Variants in OR5V1 observed in about 807,000 individuals in gnomAD.
The protein encoded by OR5V1 is olfactory receptor 5V1.
For synonymous variants in OR5V1, 134 were observed against 143.2 expected (o/e 0.94, Z 0.46); for missense variants, 365 against 371.5 (o/e 0.98, Z 0.14).
intron 1 of OR5V1, among the ~76,000 whole-genome samples, chr6:29,362,643 C>A (rs1313756018): frequency 6.6e-6 from 1 of 152,196 alleles, no homozygotes; most frequent in Non-Finnish European, 1.5e-5. Context: ...TCACTCAAAA[C>A]CTCACAACTA....
chr6:29,356,362 A>G, intron 1 of OR5V1, 85 bp from the exon 2 acceptor site: 3 of 691,690 alleles, frequency 4.3e-6, no homozygotes, highest in Non-Finnish European at 7.0e-6. Flanking sequence ...TTTGCAAACC[A>G]TAGCTCCTAC....
Position 29,355,907 on chromosome 6 carries a change from A to C in OR5V1, c.289T>G (p.Cys97Gly). 1 of 1,613,990 alleles carries C rather than the reference A, an allele frequency of 6.2e-7. No homozygotes were observed. Among genetic ancestry groups the C allele is most frequent in the Non-Finnish European group, 8.5e-7 (1 of 1,179,950 alleles). Residue 97 changes from cysteine (C) to glycine (G), a missense_variant, in exon 2 of 2, where the codon TGT (cysteine) becomes GGT (glycine). Physicochemically the swap from Cys to Gly is radical, Grantham distance 159. Transcript: ENST00000641768. ...SKKKSISYVG[C>G]VVQLFAFVFF... ...ACAAATGCAAAAAGTTGAACCACAC[A>C]CCCCACATAAGAAATGCTTTTTTTC...
rs1240609809 is a variant in OR5V1 at position 29,364,508 on chromosome 6, A to G, written c.-83+4124T>C. 1.8e-5 allele frequency among the ~76,000 whole-genome samples: 2 copies of G among 113,146 alleles called. 1 individual carries two copies. The highest frequency in any genetic ancestry group is 1.9e-4 in the Admixed American group (2 of 10,504). The allele number at this position is 113,146 out of a possible 152,430, so 74.2% of individuals were successfully genotyped here. A position where few individuals can be genotyped will look rare whatever the true frequency, so the allele number is the denominator to read the frequency against. ...GCCAAGACAATCCTAAGCAAAAAGA[A>G]CAAAGCTGGGCCGGGCGCGGTGGCT... On this transcript the variant is annotated intron_variant, in intron 1 of 1. Coordinates refer to ENST00000641768, the MANE Select transcript of OR5V1 (RefSeq NM_030876.6).
chr6:29,358,172 T>C (rs2151272492), intron 1 of OR5V1, among the ~76,000 whole-genome samples: 1 of 152,290 alleles, frequency 6.6e-6, no homozygotes, highest in East Asian at 1.9e-4. Flanking sequence ...TTTCATTCCA[T>C]CTACAGAAGA....
In OR5V1 at chr6:29,355,193, T is replaced by A; in HGVS notation, c.*37A>T. 6.6e-7 allele frequency: 1 copy of A among 1,526,508 alleles called. No individual in the cohort carries two copies. The highest frequency in any genetic ancestry group is 1.3e-5 in the South Asian group (1 of 74,476). The allele number at this position is 1,526,508 out of a possible 1,614,324, so 94.6% of individuals were successfully genotyped here. ...TAAAAACAGCTGACTGGTGAAAAAGTTAATTTTGTAGTATAAGATTATTGA... is the reference window on the plus strand; with the variant it reads ...TAAAAACAGCTGACTGGTGAAAAAGATAATTTTGTAGTATAAGATTATTGA... On this transcript the variant is annotated 3_prime_UTR_variant, in exon 2 of 2. Transcript: ENST00000641768.
At chr6:29,364,374 G>A (rs975733524) in intron 1 of OR5V1, among the ~76,000 whole-genome samples, 5 of 148,796 alleles carry the variant, frequency 3.4e-5, no homozygotes, top group Admixed American at 1.3e-4. Context: ...ACTGCCCAAA[G>A]TAATTTATAG....
chr6:29,363,123 A>G (rs1306254922), intron 1 of OR5V1, among the ~76,000 whole-genome samples: 1 of 152,190 alleles, frequency 6.6e-6, no homozygotes, highest in Non-Finnish European at 1.5e-5. Flanking sequence ...AGTTATCACC[A>G]CTGATCCCAC....
At position 29,356,272 on chromosome 6, in the gene OR5V1, CA is replaced by C. The variant is rs1341052159; in HGVS notation, c.-78del. On this transcript the variant is annotated 5_prime_UTR_variant, in exon 2 of 2. The change abolishes an upstream ATG in the 5' untranslated region. Transcript: ENST00000641768. Reference sequence around the variant, plus strand: ...AAAAATGAATCATATGCTGCAATAGCATGACCTGAAAAATAAGGGAAAAAAC... The same window carrying C: ...AAAAATGAATCATATGCTGCAATAGCTGACCTGAAAAATAAGGGAAAAAAC... 75 of 1,462,946 alleles carry C rather than the reference CA, an allele frequency of 5.1e-5. No individual in the cohort carries two copies. The highest frequency in any genetic ancestry group is 6.7e-5 in the Non-Finnish European group (73 of 1,093,412). 90.6% of individuals were successfully genotyped at this position (1,462,946 alleles called of 1,614,324 possible).
chr6:29,355,596 T>C lies in OR5V1; in HGVS notation c.600A>G (p.Leu200=), dbSNP rs747144784. The change falls in exon 2 of 2, where the codon CTA becomes CTG. Residue 200 remains leucine (L), a synonymous_variant. Transcript: ENST00000641768. ...GNTSVNELAL[L]STGVFIGWTP... The stretch of plus-strand genomic sequence containing the variant: ...TCCAACCAATGAAGACCCCAGTGGA[T>C]AGCAGTGCCAACTCATTGACAGAAG... 6.2e-7 allele frequency: 1 copy of C among 1,613,970 alleles called. No individual in the cohort carries two copies. Among genetic ancestry groups the C allele is most frequent in the Non-Finnish European group, 8.5e-7 (1 of 1,179,928 alleles).
intron 1 of OR5V1, among the ~76,000 whole-genome samples, chr6:29,358,914 C>G (rs968393344): frequency 1.3e-5 from 2 of 152,014 alleles, no homozygotes; most frequent in African/African-American, 4.8e-5. Context: ...ATTGTATATT[C>G]CAAAATTGCT....
In OR5V1 at chr6:29,355,156, T is replaced by G. The variant is rs1778190035; in HGVS notation, c.*74A>C. The G allele has an allele frequency of 3.5e-6, 5 of 1,442,122 alleles. No homozygotes were observed. In the East Asian group the frequency reaches 1.1e-4, roughly 33 times the overall value. 89.3% of individuals were successfully genotyped at this position (1,442,122 alleles called of 1,614,324 possible). On this transcript the variant is annotated 3_prime_UTR_variant, in exon 2 of 2. Transcript: ENST00000641768. ...TCTGTCCCAACATTGCAATTATCTT[T>G]TAAACTTTCAATAAAAACAGCTGAC...
At position 29,353,765 on chromosome 6, in the gene OR5V1, C is replaced by T. The variant is rs2151266338; in HGVS notation, c.*1465G>A. Reference sequence around the variant, plus strand: ...TGGTATGTAGTCAGGAAAGATCAAGCCATACCTGGAGAAGAATTATTTAGG... The same window carrying T: ...TGGTATGTAGTCAGGAAAGATCAAGTCATACCTGGAGAAGAATTATTTAGG... On this transcript the variant is annotated 3_prime_UTR_variant, in exon 2 of 2. Transcript: ENST00000641768. The T allele has an allele frequency of 6.6e-6, 1 of 152,082 alleles. No homozygotes were observed. Among genetic ancestry groups the T allele is most frequent in the East Asian group, 1.9e-4 (1 of 5,172 alleles). 9.4% of individuals were successfully genotyped at this position (152,082 alleles called of 1,614,324 possible).
rs1260523061 is a variant in OR5V1, at chr6:29,356,137, A to T, written c.59T>A (p.Leu20Gln). 1 of 1,609,462 alleles carries T rather than the reference A, an allele frequency of 6.2e-7. No individual in the cohort carries two copies. Among genetic ancestry groups the T allele is most frequent in the East Asian group, 2.2e-5 (1 of 44,884 alleles). The change falls in exon 2 of 2, where the codon CTA becomes CAA. Residue 20 changes from leucine (L) to glutamine (Q), a missense_variant. By Grantham distance (113) the Leu-to-Gln change is moderately radical. Coordinates refer to ENST00000641768, the MANE Select transcript of OR5V1 (RefSeq NM_030876.6). Reference sequence around the variant, plus strand: ...GAATAGTAAAAACTGCAATTCATTTAGGTTGGAGAATCCCAAGATGATGAA... The same window carrying T: ...GAATAGTAAAAACTGCAATTCATTTTGGTTGGAGAATCCCAAGATGATGAA... ...TEFIILGFSNLNELQFLLFTI... is the reference protein window; with the variant it reads ...TEFIILGFSNQNELQFLLFTI...
intron 1 of OR5V1, among the ~76,000 whole-genome samples, chr6:29,362,379 G>A (rs1351224954): frequency 6.6e-6 from 1 of 152,232 alleles, no homozygotes; most frequent in South Asian, 2.1e-4. Context: ...ACAGATCAAT[G>A]AGACAGAAAA....
At chr6:29,367,155 G>A (rs1485353665) in intron 1 of OR5V1, among the ~76,000 whole-genome samples, 1 of 152,020 alleles carries the variant, frequency 6.6e-6, no homozygotes, top group African/African-American at 2.4e-5. Flanking sequence ...TATCCACTCA[G>A]CCTGTATGTT....
At position 29,354,876 on chromosome 6, in the gene OR5V1, G is replaced by C. The variant is rs7356951; in HGVS notation, c.*354C>G. 5 of 182,434 alleles carry C rather than the reference G, an allele frequency of 2.7e-5. No individual in the cohort carries two copies. Among genetic ancestry groups the C allele is most frequent in the African/African-American group, 1.2e-4 (5 of 42,542 alleles). 11.3% of individuals were successfully genotyped at this position (182,434 alleles called of 1,614,324 possible). Reference sequence around the variant, plus strand: ...ACAGAAAAATATGACACACATATGAGGAATGTGAAGAAAAATATTTCACAT... The same window carrying C: ...ACAGAAAAATATGACACACATATGACGAATGTGAAGAAAAATATTTCACAT... On this transcript the variant is annotated 3_prime_UTR_variant, in exon 2 of 2. Coordinates refer to ENST00000641768, the MANE Select transcript of OR5V1 (RefSeq NM_030876.6).
At chr6:29,362,304 TA>T (rs2151276527) in intron 1 of OR5V1, among the ~76,000 whole-genome samples, 1 of 152,252 alleles carries the variant, frequency 6.6e-6, no homozygotes, top group East Asian at 1.9e-4. Flanking sequence ...CTTACAGACC[TA>T]CAAAAGACTT....
chr6:29,366,384 G>A (rs541079067), intron 1 of OR5V1, among the ~76,000 whole-genome samples: 1 of 150,000 alleles, frequency 6.7e-6, no homozygotes, highest in Admixed American at 6.6e-5. Flanking sequence ...TTTTGGCCAT[G>A]CTGAATTTGA....
chr6:29,355,167 A>G lies in OR5V1; in HGVS notation c.*63T>C. The G allele has an allele frequency of 1.3e-6, 2 of 1,491,362 alleles. No homozygotes were observed. Among genetic ancestry groups the G allele is most frequent in the Non-Finnish European group, 1.8e-6 (2 of 1,115,006 alleles). The allele number at this position is 1,491,362 out of a possible 1,614,324, so 92.4% of individuals were successfully genotyped here. A position where few individuals can be genotyped will look rare whatever the true frequency, so the allele number is the denominator to read the frequency against. On this transcript the variant is annotated 3_prime_UTR_variant, in exon 2 of 2. Transcript: ENST00000641768. ...ATTGCAATTATCTTTTAAACTTTCA[A>G]TAAAAACAGCTGACTGGTGAAAAAG...
Sources: gnomAD v4.1 joint callset for allele counts (sites outside exome capture counted in the v4.1 genomes callset) on GRCh38, gnomAD v4.1.1 for gene constraint, MANE v1.5 for transcripts, NCBI Gene and HGNC (gene_info 2026-07-23, HGNC 2026-07-21) for gene names.